The following EPB41 variants were observed in gnomAD, a reference collection of about 807,000 sequenced individuals.
The protein encoded by EPB41 is protein 4.1.
EPB41 carries 65 observed loss-of-function variants against 108.0 expected under a neutral mutation model. The observed-to-expected ratio is 0.60, with a 90% CI of 0.49 to 0.74. EPB41 has a LOEUF of 0.74. EPB41 is among the 30% of genes least tolerant of loss of function. EPB41 has a pLI of 0.00. For missense variants in EPB41, 875 were observed against 1,037.0 expected, an observed-to-expected ratio of 0.84 and a Z score of 2.15; for synonymous variants, 336 against 358.9, an observed-to-expected ratio of 0.94 and a Z score of 0.72.
intron 1 of EPB41, among the ~76,000 whole-genome samples, chr1:28,940,370 C>T (rs546170554): frequency 7.2e-5 from 11 of 152,072 alleles, no homozygotes; most frequent in African/African-American, 2.2e-4. Context: ...ATTAGTATTT[C>T]GCCAGGGGCG....
rs552436379 is a variant in EPB41 at position 28,917,530 on chromosome 1, C to G, written c.-8+2762C>G. 7.2e-5 allele frequency among the ~76,000 whole-genome samples: 11 copies of G among 151,998 alleles called. 1 individual carries two copies. Among genetic ancestry groups the G allele is most frequent in the Middle Eastern group, 6.8e-3 (2 of 294 alleles). On this transcript the variant is annotated intron_variant, in intron 1 of 20. Transcript: ENST00000343067. ...TCTTGACCTCGTGATCCACCCGCCT[C>G]GGCCTTCCAAAGTGCTGGGATTACA...
intron 7 of EPB41, among the ~76,000 whole-genome samples, chr1:29,020,539 TTATAA>T (rs1172022278): frequency 9.2e-5 from 14 of 152,036 alleles, no homozygotes; most frequent in African/African-American, 2.2e-4. Context: ...TTTTTATTAG[TTATAA>T]TATAACCCTT....
intron 3 of EPB41, among the ~76,000 whole-genome samples, chr1:28,996,105 A>C (rs2096168069): frequency 6.6e-6 from 1 of 152,234 alleles, no homozygotes; most frequent in South Asian, 2.1e-4. Flanking sequence ...GGATGAGTGT[A>C]AATATTCTTA....
intron 10 of EPB41, among the ~76,000 whole-genome samples, chr1:29,037,055 A>G (rs1211897333): frequency 6.6e-6 from 1 of 151,904 alleles, no homozygotes; most frequent in African/African-American, 2.4e-5. Context: ...TTGAAGCCCA[A>G]TAGTACCCGA....
chr1:28,902,311 C>T, intron 1 of EPB41: 1 of 985,394 alleles, frequency 1.0e-6, no homozygotes, highest in African/African-American at 1.7e-5. Context: ...ATCTTTTGTT[C>T]TGGAGCCCGA....
intron 1 of EPB41, among the ~76,000 whole-genome samples, chr1:28,904,697 A>G (rs2091622942): frequency 6.6e-6 from 1 of 151,920 alleles, no homozygotes. Context: ...CAGGAGTTTG[A>G]GGCCAGCCTA....
rs2096773744 is a variant in EPB41, at chr1:29,030,436, T to C, written c.1161T>C (p.Leu387=). 6.2e-7 allele frequency: 1 copy of C among 1,610,636 alleles called. No individual in the cohort carries two copies. The highest frequency in any genetic ancestry group is 8.5e-7 in the Non-Finnish European group (1 of 1,176,960). ...MTPAQADLEF[L]ENAKKLSMYG... is the part of the protein sequence containing the mutation. ...CAGCTCAGGCTGACTTGGAGTTTCTTGAGAATGCCAAAAAGTTGTCTATGT... is the reference window on the plus strand; with the variant it reads ...CAGCTCAGGCTGACTTGGAGTTTCTCGAGAATGCCAAAAAGTTGTCTATGT... The change falls in exon 8 of 21, where the codon CTT becomes CTC. Residue 387 remains leucine, a synonymous_variant. Coordinates refer to ENST00000343067, the MANE Select transcript of EPB41 (RefSeq NM_001376013.1).
intron 1 of EPB41, among the ~76,000 whole-genome samples, chr1:28,950,429 A>G (rs1017467471): frequency 6.6e-6 from 1 of 152,246 alleles, no homozygotes; most frequent in Non-Finnish European, 1.5e-5. Context: ...CTTTATATAT[A>G]GTATAATTGG....
intron 1 of EPB41, among the ~76,000 whole-genome samples, chr1:28,929,509 C>T (rs1236290122): frequency 2.0e-5 from 3 of 151,588 alleles, no homozygotes; most frequent in Non-Finnish European, 2.9e-5. Flanking sequence ...GGATTACAGG[C>T]GTGAGCCACT....
chr1:28,888,372 C>T (rs570983083), intron 1 of EPB41, among the ~76,000 whole-genome samples: 28 of 152,340 alleles, frequency 1.8e-4, no homozygotes, highest in African/African-American at 6.5e-4. Flanking sequence ...TCAGCAAGCT[C>T]CCTACCTCCA....
chr1:29,069,357 C>T (rs922467336), intron 16 of EPB41: 2 of 1,230,740 alleles, frequency 1.6e-6, no homozygotes, highest in Admixed American at 4.2e-5. Flanking sequence ...AAAAACTTCT[C>T]AATTGGACAA....
At chr1:28,999,392 C>A (rs952607905) in intron 4 of EPB41, among the ~76,000 whole-genome samples, 1 of 151,858 alleles carries the variant, frequency 6.6e-6, no homozygotes, top group Non-Finnish European at 1.5e-5. Flanking sequence ...AAAGAAAATT[C>A]TCCCATGAAT....
chr1:29,068,570 T>C (rs1019844956), intron 16 of EPB41, among the ~76,000 whole-genome samples: 3 of 152,258 alleles, frequency 2.0e-5, no homozygotes, highest in Non-Finnish European at 2.9e-5. Flanking sequence ...CACTGTATTA[T>C]GGTGACCTTT....
At chr1:29,054,009 C>A (rs2150771515) in intron 12 of EPB41, 1 of 152,210 alleles carries the variant, frequency 6.6e-6, no homozygotes, top group East Asian at 1.9e-4. Context: ...ATTTTATTTT[C>A]TAAGATGGAT....
chr1:29,096,673 A>AG, intron 16 of EPB41: 1 of 876,122 alleles, frequency 1.1e-6, no homozygotes, highest in Non-Finnish European at 1.4e-6. Context: ...TGTCCTGTGG[A>AG]GGAGGTGGTG....
At chr1:28,925,618 G>A (rs939781507) in intron 1 of EPB41, among the ~76,000 whole-genome samples, 1 of 152,086 alleles carries the variant, frequency 6.6e-6, no homozygotes, top group Non-Finnish European at 1.5e-5. Flanking sequence ...AGCTGTGCAG[G>A]TATCTGGGGA....
At chr1:29,046,084 C>T (rs1643107069) in intron 11 of EPB41, among the ~76,000 whole-genome samples, 3 of 151,498 alleles carry the variant, frequency 2.0e-5, no homozygotes, top group Middle Eastern at 6.8e-3. Flanking sequence ...CTAGTTTGAC[C>T]TTATACTCAG....
At chr1:28,988,198 T>A (rs929092984) in intron 2 of EPB41, among the ~76,000 whole-genome samples, 2 of 152,158 alleles carry the variant, frequency 1.3e-5, no homozygotes, top group African/African-American at 4.8e-5. Context: ...AGGCGGAGGC[T>A]GCAGTGAGCT....
chr1:29,023,064 G>A (rs780586315), intron 7 of EPB41, among the ~76,000 whole-genome samples: 8 of 151,196 alleles, frequency 5.3e-5, no homozygotes, highest in Admixed American at 1.3e-4. Flanking sequence ...GTGTGATCTC[G>A]GCTCACTGCA....
Sources: gnomAD v4.1 joint callset for allele counts (sites outside exome capture counted in the v4.1 genomes callset) on GRCh38, gnomAD v4.1.1 for gene constraint, MANE v1.5 for transcripts, NCBI Gene and HGNC (gene_info 2026-07-23, HGNC 2026-07-21) for gene names.